SLC22A15: variants seen among roughly 807,000 people sequenced by gnomAD.
The protein encoded by SLC22A15 is flipt 1.
A neutral mutation model predicts 62.7 loss-of-function variants in SLC22A15; 45 were observed. The observed-to-expected ratio is 0.72, with a 90% confidence interval of 0.56 to 0.92. The LOEUF is 0.92. Among genes scored for constraint, SLC22A15 ranks in the 40% least tolerant of loss-of-function variants. The probability of loss-of-function intolerance (pLI) is 0.00; values close to 1 mark genes in which losing one functional copy is unlikely to be tolerated. For synonymous variants in SLC22A15, 264 were observed against 267.0 expected (o/e 0.99, Z 0.11); for missense variants, 622 against 665.6 (o/e 0.93, Z 0.72).
intron 2 of SLC22A15, among the ~76,000 whole-genome samples, chr1:116,004,158 G>A (rs1655864440): frequency 6.6e-6 from 1 of 152,184 alleles, no homozygotes; most frequent in Non-Finnish European, 1.5e-5. Context: ...ATTTGAGACT[G>A]ATCTCCCATC....
At chr1:116,033,441 C>T (rs1264743779) in intron 6 of SLC22A15, among the ~76,000 whole-genome samples, 1 of 152,090 alleles carries the variant, frequency 6.6e-6, no homozygotes. Context: ...GCTTCATGCT[C>T]TCCCCGTTCT....
chr1:115,977,442 G>A (rs1316530534), intron 1 of SLC22A15, among the ~76,000 whole-genome samples: 1 of 152,192 alleles, frequency 6.6e-6, no homozygotes, highest in Non-Finnish European at 1.5e-5. Context: ...TATGCGAAAG[G>A]TCACTACAGA....
At chr1:116,053,471 A>T (rs1011465733) in intron 8 of SLC22A15, among the ~76,000 whole-genome samples, 1 of 152,222 alleles carries the variant, frequency 6.6e-6, no homozygotes, top group Non-Finnish European at 1.5e-5. Context: ...CCAAGTTGGA[A>T]AACACTCTGC....
intron 2 of SLC22A15, among the ~76,000 whole-genome samples, chr1:116,006,347 G>A (rs1018214539): frequency 7.9e-5 from 12 of 152,088 alleles, no homozygotes; most frequent in African/African-American, 1.7e-4. Context: ...AACAGTGCCC[G>A]ACTGAAGGTG....
intron 1 of SLC22A15, among the ~76,000 whole-genome samples, chr1:115,990,355 C>T (rs1307996390): frequency 1.3e-5 from 2 of 152,172 alleles, no homozygotes; most frequent in Non-Finnish European, 2.9e-5. Context: ...CCTCTCCTCC[C>T]GAGTTCCCTT....
intron 1 of SLC22A15, among the ~76,000 whole-genome samples, chr1:115,986,788 G>A (rs975092000): frequency 1.3e-5 from 2 of 152,198 alleles, no homozygotes; most frequent in African/African-American, 4.8e-5. Flanking sequence ...TGTTGACTAT[G>A]GAGGAATCCC....
chr1:115,976,620 G>T lies in SLC22A15; in HGVS notation c.-8G>T, dbSNP rs775386897. ...GTGGGGTGGCGGGGTTCCTGCGCGC[G>T]GCCCGCCATGGAGGTGGAGGAGGCG... On this transcript the variant is annotated 5_prime_UTR_variant, in exon 1 of 12. Transcript: ENST00000369503. 1 of 1,567,426 alleles carries T rather than the reference G, an allele frequency of 6.4e-7. No homozygotes were observed. The highest frequency in any genetic ancestry group is 8.6e-7 in the Non-Finnish European group (1 of 1,161,042).
chr1:116,008,434 A>C (rs970476883), intron 2 of SLC22A15, among the ~76,000 whole-genome samples: 1 of 152,150 alleles, frequency 6.6e-6, no homozygotes, highest in South Asian at 2.1e-4. Context: ...AGTGTGTAGC[A>C]TTGTTAGGTT....
chr1:116,053,169 G>A (rs1360850806), intron 8 of SLC22A15, among the ~76,000 whole-genome samples: 3 of 152,224 alleles, frequency 2.0e-5, no homozygotes, highest in East Asian at 1.9e-4. Context: ...AAATTTAGAC[G>A]AATTTATAAC....
intron 2 of SLC22A15, among the ~76,000 whole-genome samples, chr1:116,008,938 C>G (rs1386148195): frequency 1.3e-5 from 2 of 152,088 alleles, no homozygotes; most frequent in African/African-American, 2.4e-5. Flanking sequence ...GGAGCCTGGC[C>G]AGTGTTCCAC....
chr1:115,981,637 C>T (rs1218378101), intron 1 of SLC22A15, among the ~76,000 whole-genome samples: 1 of 152,148 alleles, frequency 6.6e-6, no homozygotes, highest in East Asian at 1.9e-4. Flanking sequence ...GATTTTCCTC[C>T]AGGGAGGCTG....
At chr1:116,034,604 T>C (rs1194627997) in intron 6 of SLC22A15, among the ~76,000 whole-genome samples, 1 of 152,232 alleles carries the variant, frequency 6.6e-6, no homozygotes, top group East Asian at 1.9e-4. Context: ...TCTGGGAGTC[T>C]GTATCATGTG....
chr1:115,984,227 C>A (rs1429403730), intron 1 of SLC22A15, among the ~76,000 whole-genome samples: 1 of 152,158 alleles, frequency 6.6e-6, no homozygotes, highest in Non-Finnish European at 1.5e-5. Context: ...AAGATATATT[C>A]TTTACTTTCC....
intron 1 of SLC22A15, among the ~76,000 whole-genome samples, chr1:115,989,781 C>CAA (rs36098680): frequency 0.063 from 9,238 of 145,644 alleles, 533 homozygotes; most frequent in African/African-American, 0.15. Flanking sequence ...AACTCAGTCT[C>CAA]AAAAAAAAAA....
intron 2 of SLC22A15, among the ~76,000 whole-genome samples, chr1:116,000,550 A>G (rs962076568): frequency 2.6e-5 from 4 of 151,366 alleles, no homozygotes; most frequent in Non-Finnish European, 4.4e-5. Flanking sequence ...TTACAATGTT[A>G]TAATATTCTG....
chr1:116,027,646 A>G lies in SLC22A15; in HGVS notation c.728+624A>G, dbSNP rs1657162314. On this transcript the variant is annotated intron_variant, in intron 5 of 11. Transcript: ENST00000369503. ...CCCCAGAAGTTTTTTTTTTTTTGAGACGGAGTTTCGCCCTTGTTGCCCAGG... is the reference window on the plus strand; with the variant it reads ...CCCCAGAAGTTTTTTTTTTTTTGAGGCGGAGTTTCGCCCTTGTTGCCCAGG... 2.0e-5 allele frequency among the ~76,000 whole-genome samples: 3 copies of G among 150,960 alleles called. No homozygotes were observed. In the South Asian group the frequency reaches 6.3e-4, roughly 32 times the overall value.
At chr1:116,016,118 CTCTTT>C (rs1413293641) in intron 2 of SLC22A15, among the ~76,000 whole-genome samples, 1 of 150,908 alleles carries the variant, frequency 6.6e-6, no homozygotes, top group African/African-American at 2.4e-5. Context: ...CCTTCTTTCT[CTCTTT>C]TCTTCTCTCC....
At chr1:116,001,629 G>A (rs763052235) in intron 2 of SLC22A15, among the ~76,000 whole-genome samples, 8 of 151,806 alleles carry the variant, frequency 5.3e-5, no homozygotes, top group Non-Finnish European at 1.2e-4. Flanking sequence ...AGATTCTGGT[G>A]CGTTCTTCAT....
intron 8 of SLC22A15, among the ~76,000 whole-genome samples, chr1:116,041,337 A>G (rs1657779555): frequency 6.6e-6 from 1 of 152,238 alleles, no homozygotes; most frequent in Admixed American, 6.5e-5. Context: ...TAGGGATTCA[A>G]AAATAATAAT....
Sources: allele counts gnomAD v4.1 joint callset (sites outside exome capture counted in the v4.1 genomes callset), GRCh38; gene constraint gnomAD v4.1.1; transcripts MANE v1.5; gene names NCBI Gene and HGNC (gene_info 2026-07-23, HGNC 2026-07-21).